The following TPRG1 variants were observed in gnomAD, a reference collection of about 807,000 sequenced individuals.
TPRG1 encodes the protein tumor protein p63 regulated 1.
A neutral mutation model predicts 29.3 loss-of-function variants in TPRG1; 29 were observed. The ratio of observed to expected loss-of-function variants is 0.99; its 90% confidence interval spans 0.74 to 1.35. The LOEUF is 1.35. Ranked by LOEUF, TPRG1 falls within the 40% of genes most tolerant of loss-of-function variation. TPRG1 has a pLI of 0.00. For missense variants in TPRG1, 327 were observed against 335.0 expected (o/e 0.98, Z 0.19); for synonymous variants, 130 against 116.8 (o/e 1.11, Z -0.73).
rs1739973032 is a variant in TPRG1 at position 189,238,733 on chromosome 3, G to C, written c.303G>C (p.Lys101Asn). 1.9e-6 allele frequency: 3 copies of C among 1,609,720 alleles called. No homozygotes were observed. The highest frequency in any genetic ancestry group is 1.7e-6 in the Non-Finnish European group (2 of 1,177,622). Reference sequence around the variant, plus strand: ...TTATTTGCTATGATGATTCCTATAGGATAGACCACTGGAACAATGAGAAGG... The same window carrying C: ...TTATTTGCTATGATGATTCCTATAGCATAGACCACTGGAACAATGAGAAGG... Reference protein sequence around the residue: ...ETIQGFWLLTKIDHWNNEKER... With the variant: ...ETIQGFWLLTNIDHWNNEKER... The change falls in exon 4 of 6, where the codon AAG (lysine) becomes AAC (asparagine). Residue 101 changes from lysine (K) to asparagine (N), a missense_variant and splice_region_variant. Transcript: ENST00000345063.
chr3:189,023,526 G>T (rs908149885), intron 3 of TPRG1, among the ~76,000 whole-genome samples: 2 of 152,160 alleles, frequency 1.3e-5, no homozygotes, highest in Non-Finnish European at 2.9e-5. Context: ...CCTCAGCCCA[G>T]TTCTGAACCC....
chr3:189,056,035 T>TCCTC (rs1560417890), intron 4 of TPRG1, among the ~76,000 whole-genome samples: 4 of 24,670 alleles, frequency 1.6e-4, no homozygotes, highest in African/African-American at 5.6e-4. Context: ...CTCCCTCCCT[T>TCCTC]CCTTCCTTCC....
At chr3:189,073,919 G>A (rs1296550964) in intron 4 of TPRG1, among the ~76,000 whole-genome samples, 1 of 151,992 alleles carries the variant, frequency 6.6e-6, no homozygotes, top group African/African-American at 2.4e-5. Context: ...AAATTACTCT[G>A]TATTATTTCA....
At position 189,008,229 on chromosome 3, in the gene TPRG1, C is replaced by T. The variant is rs796326033; in HGVS notation, c.-660+3469C>T. Among the ~76,000 whole-genome samples, 47 of 152,136 alleles carry T rather than the reference C, an allele frequency of 3.1e-4. 2 individuals carry two copies. The highest frequency in any genetic ancestry group is 1.1e-3 in the African/African-American group (46 of 41,522). On this transcript the variant is annotated intron_variant, in intron 3 of 10. Transcript: ENST00000433971. ...ATGGGGTGAGCAATGCGAGTGCCAT[C>T]GACTTTGTCCACTGTTGATGGAATC... is the stretch of plus-strand genomic sequence containing the variant.
intron 4 of TPRG1, among the ~76,000 whole-genome samples, chr3:189,082,230 A>C (rs1560433352): frequency 6.6e-6 from 1 of 152,164 alleles, no homozygotes; most frequent in Non-Finnish European, 1.5e-5. Flanking sequence ...TGAAATGAGA[A>C]AACCTGGGTC....
At chr3:189,041,648 G>A (rs1714642696) in intron 4 of TPRG1, among the ~76,000 whole-genome samples, 1 of 152,186 alleles carries the variant, frequency 6.6e-6, no homozygotes, top group Non-Finnish European at 1.5e-5. Context: ...TTACTCAGAT[G>A]CCAGCAATTT....
chr3:189,038,946 A>C (rs911477589), intron 4 of TPRG1, among the ~76,000 whole-genome samples: 4 of 152,216 alleles, frequency 2.6e-5, no homozygotes, highest in Non-Finnish European at 5.9e-5. Context: ...GATTGGTAAA[A>C]ATGAGAAAGT....
At chr3:189,225,181 T>G (rs534212668) in intron 3 of TPRG1, among the ~76,000 whole-genome samples, 1 of 152,258 alleles carries the variant, frequency 6.6e-6, no homozygotes, top group Admixed American at 6.5e-5. Flanking sequence ...TCCGCCCACC[T>G]CGGTCTCCCA....
intron 1 of TPRG1, among the ~76,000 whole-genome samples, chr3:189,182,675 CAT>C (rs1256917612): frequency 6.6e-6 from 1 of 152,018 alleles, no homozygotes; most frequent in African/African-American, 2.4e-5. Context: ...ACCCTCAGTG[CAT>C]AGTCATTATA....
At chr3:189,284,070 T>C (rs1032979525) in intron 4 of TPRG1, among the ~76,000 whole-genome samples, 3 of 152,232 alleles carry the variant, frequency 2.0e-5, no homozygotes, top group Non-Finnish European at 4.4e-5. Context: ...TACAAGGACA[T>C]GTATCCTCTG....
At chr3:189,178,200 G>T (rs946852560) in intron 1 of TPRG1, among the ~76,000 whole-genome samples, 3 of 152,182 alleles carry the variant, frequency 2.0e-5, no homozygotes, top group African/African-American at 7.2e-5. Context: ...GAAAAGGATG[G>T]GTTTTTATTG....
intron 3 of TPRG1, among the ~76,000 whole-genome samples, chr3:189,021,017 G>T (rs1713273089): frequency 6.7e-6 from 1 of 148,964 alleles, no homozygotes; most frequent in South Asian, 2.2e-4. Context: ...ATCTTTGTTG[G>T]TTTAAAGTCT....
rs1197276734 is a variant in TPRG1, at chr3:189,288,936, T to C, written c.480-21450T>C. Among the ~76,000 whole-genome samples, 6 of 152,226 alleles carry C rather than the reference T, an allele frequency of 3.9e-5. No individual in the cohort carries two copies. The East Asian group carries it at 1.2e-3, about 29-fold the overall frequency. On this transcript the variant is annotated intron_variant, in intron 4 of 5. Transcript: ENST00000345063. The stretch of plus-strand genomic sequence containing the variant: ...CCGAGTTTATGGGTGCCTGTATCTG[T>C]ACGTGAGCCTTTCCTCCCCAAAAGC...
At chr3:189,074,445 T>A (rs965477687) in intron 4 of TPRG1, among the ~76,000 whole-genome samples, 1 of 151,998 alleles carries the variant, frequency 6.6e-6, no homozygotes, top group African/African-American at 2.4e-5. Context: ...GACCTCGTGA[T>A]CTGCCCGCGT....
At chr3:189,173,141 A>C (rs188540720) in intron 1 of TPRG1, among the ~76,000 whole-genome samples, 1 of 152,038 alleles carries the variant, frequency 6.6e-6, no homozygotes, top group East Asian at 1.9e-4. Flanking sequence ...TTTCATGCTC[A>C]AAAGGTTATA....
In TPRG1 at chr3:189,244,089, G is replaced by C. The variant is rs60994272; in HGVS notation, c.479+5180G>C. Reference sequence around the variant, plus strand: ...TGGTACCAATTTTCTGTATTATTCTGTTCTCTCATTGCTATAAAGAAATAT... The same window carrying C: ...TGGTACCAATTTTCTGTATTATTCTCTTCTCTCATTGCTATAAAGAAATAT... On this transcript the variant is annotated intron_variant, in intron 4 of 5. Transcript: ENST00000345063. Among the ~76,000 whole-genome samples, 793 of 151,970 alleles carry C rather than the reference G, an allele frequency of 5.2e-3. 11 individuals carry two copies. Among genetic ancestry groups the C allele is most frequent in the African/African-American group, 0.018 (755 of 41,422 alleles).
rs139029050 is a variant in TPRG1, at chr3:189,280,710, C to T, written c.480-29676C>T. ...AGCCTGGGTTAAAGCTGTAACCCTA[C>T]CATGGCTATTTCTCTTACCTGAGGC... On this transcript the variant is annotated intron_variant, in intron 4 of 5. Coordinates refer to ENST00000345063, the MANE Select transcript of TPRG1 (RefSeq NM_198485.4). Among the ~76,000 whole-genome samples the T allele has an allele frequency of 4.6e-3, 698 of 152,270 alleles. 2 individuals carry two copies. Among genetic ancestry groups the T allele is most frequent in the African/African-American group, 0.016 (659 of 41,556 alleles).
intron 4 of TPRG1, among the ~76,000 whole-genome samples, chr3:189,251,962 T>C (rs370431128): frequency 5.3e-5 from 8 of 152,006 alleles, no homozygotes; most frequent in African/African-American, 7.2e-5. Context: ...TCCCTTCCCA[T>C]GAGGCCATAT....
chr3:189,085,710 G>A (rs1215550353), intron 4 of TPRG1, among the ~76,000 whole-genome samples: 3 of 152,032 alleles, frequency 2.0e-5, no homozygotes, highest in Admixed American at 2.0e-4. Flanking sequence ...GCTTTATAGT[G>A]GAAACACTTT....
Sources: gnomAD v4.1 joint callset for allele counts (sites outside exome capture counted in the v4.1 genomes callset) on GRCh38, gnomAD v4.1.1 for gene constraint, MANE v1.5 for transcripts, NCBI Gene and HGNC (gene_info 2026-07-23, HGNC 2026-07-21) for gene names.